Variants in PLS3 observed in about 807,000 individuals in gnomAD.
The protein encoded by PLS3 is plastin-3.
In PLS3, 11 loss-of-function variants were observed where a neutral mutation model predicts 46.5. The observed-to-expected ratio is 0.24, with a 90% CI of 0.15 to 0.39. PLS3 has a LOEUF of 0.39. Ranked by LOEUF, PLS3 falls within the 10% of genes least tolerant of loss-of-function variation. The pLI, the probability that PLS3 is intolerant of heterozygous loss-of-function variation, is 1.00. For synonymous variants in PLS3, 167 were observed against 162.2 expected (o/e 1.03, Z -0.22); for missense variants, 308 against 461.8 (o/e 0.67, Z 3.05).
In PLS3 at chrX:115,643,982, T is replaced by TA. The variant is rs782742103; in HGVS notation, c.1183+482dup. 4.4e-4 allele frequency among the ~76,000 whole-genome samples: 48 copies of TA among 110,234 alleles called. 2 individuals carry two copies. The highest frequency in any genetic ancestry group is 3.8e-3 in the Admixed American group (39 of 10,298). ...GTAAGACTCCATCTCAAAAAATAAA[T>TA]AAAAAAAATAAAAAGTAGTCGAGTC... On this transcript the variant is annotated intron_variant, in intron 10 of 15. Coordinates refer to ENST00000355899, the MANE Select transcript of PLS3 (RefSeq NM_005032.7).
At chrX:115,592,237 G>A (rs1556633226) in intron 1 of PLS3, among the ~76,000 whole-genome samples, 1 of 111,761 alleles carries the variant, frequency 8.9e-6, no homozygotes, top group South Asian at 3.8e-4. Context: ...GCAGCAGATG[G>A]CATTATGCAT....
chrX:115,649,790 CT>C lies in PLS3; in HGVS notation c.*230del, dbSNP rs2074986095. 3.5e-6 allele frequency: 1 copy of C among 282,971 alleles called. No homozygotes were observed. Among genetic ancestry groups the C allele is most frequent in the Non-Finnish European group, 6.3e-6 (1 of 158,238 alleles). 23.3% of individuals were successfully genotyped at this position (282,971 alleles called of 1,213,427 possible). A position where few individuals can be genotyped will look rare whatever the true frequency, so the allele number is the denominator to read the frequency against. ...ATTTGTCAGGCACGCCTGAAATGTGCTCATAGCCAAAACATTTTACTCTCTC... is the reference window on the plus strand; with the variant it reads ...ATTTGTCAGGCACGCCTGAAATGTGCCATAGCCAAAACATTTTACTCTCTC... On this transcript the variant is annotated 3_prime_UTR_variant, in exon 16 of 16. Transcript: ENST00000355899.
At chrX:115,639,550 G>A (rs2074873529) in intron 8 of PLS3, among the ~76,000 whole-genome samples, 2 of 112,018 alleles carry the variant, frequency 1.8e-5, no homozygotes, top group Non-Finnish European at 3.8e-5. Context: ...GACCTTCAAA[G>A]CCCAGTAACA....
intron 1 of PLS3, among the ~76,000 whole-genome samples, chrX:115,573,932 G>A (rs1441113104): frequency 9.0e-6 from 1 of 111,067 alleles, no homozygotes; most frequent in African/African-American, 3.3e-5. Flanking sequence ...TCGAACTCCT[G>A]GCCTCAAGCG....
intron 9 of PLS3, among the ~76,000 whole-genome samples, chrX:115,642,315 C>G (rs1299123071): frequency 4.5e-5 from 5 of 111,255 alleles, no homozygotes; most frequent in African/African-American, 1.6e-4. Flanking sequence ...GAGATTAATC[C>G]TTGGTCTTGC....
chrX:115,598,251 A>G (rs1304675816), intron 1 of PLS3, among the ~76,000 whole-genome samples: 1 of 107,319 alleles, frequency 9.3e-6, no homozygotes, highest in Non-Finnish European at 1.9e-5. Context: ...AGTTACCATG[A>G]CACTGCACTC....
intron 3 of PLS3, among the ~76,000 whole-genome samples, chrX:115,622,665 C>A (rs1343001340): frequency 2.7e-5 from 3 of 111,037 alleles, no homozygotes; most frequent in Non-Finnish European, 5.7e-5. Flanking sequence ...TTATATAAGG[C>A]GAACAGTCTC....
At chrX:115,603,197 A>G (rs2074461096) in intron 1 of PLS3, among the ~76,000 whole-genome samples, 1 of 111,865 alleles carries the variant, frequency 8.9e-6, no homozygotes, top group Non-Finnish European at 1.9e-5. Flanking sequence ...AAACTCTGTA[A>G]TTAGAGATGA....
intron 1 of PLS3, among the ~76,000 whole-genome samples, chrX:115,572,499 T>C (rs2074222334): frequency 9.0e-6 from 1 of 111,497 alleles, no homozygotes; most frequent in Non-Finnish European, 1.9e-5. Context: ...TTATAGACCA[T>C]TGGTAAATAG....
chrX:115,620,747 C>G (rs1215807522), intron 2 of PLS3, among the ~76,000 whole-genome samples: 3 of 70,130 alleles, frequency 4.3e-5, no homozygotes, highest in African/African-American at 6.0e-5. Flanking sequence ...GAGTCTTGCT[C>G]TGTCACCCAG....
intron 11 of PLS3, among the ~76,000 whole-genome samples, chrX:115,645,740 A>G (rs1387063667): frequency 9.0e-6 from 1 of 110,913 alleles, no homozygotes; most frequent in African/African-American, 3.3e-5. Context: ...TTGTTTGTTT[A>G]TTGTCAACAA....
chrX:115,563,313 CAG>C (rs1273515310), intron 1 of PLS3, among the ~76,000 whole-genome samples: 1 of 111,727 alleles, frequency 9.0e-6, no homozygotes, highest in African/African-American at 3.2e-5. Flanking sequence ...TGCACAAAAA[CAG>C]TGGATAGTAA....
At chrX:115,607,114 A>T (rs1603231803) in intron 1 of PLS3, among the ~76,000 whole-genome samples, 1 of 110,557 alleles carries the variant, frequency 9.0e-6, no homozygotes, top group African/African-American at 3.3e-5. Flanking sequence ...TTAGCCAGGC[A>T]TGGTGTCCCA....
intron 1 of PLS3, among the ~76,000 whole-genome samples, chrX:115,587,471 C>T (rs1290413375): frequency 8.9e-6 from 1 of 112,080 alleles, no homozygotes; most frequent in Non-Finnish European, 1.9e-5. Context: ...CGCGGTGGCT[C>T]ACGCCTGTAA....
At chrX:115,610,773 A>C (rs2074540893) in intron 2 of PLS3, 2 of 644,976 alleles carry the variant, frequency 3.1e-6, no homozygotes, top group Middle Eastern at 3.5e-4. Flanking sequence ...TGACTTTTTT[A>C]TGGGTTTTCT....
intron 8 of PLS3, among the ~76,000 whole-genome samples, chrX:115,638,411 A>AT (rs1350559548): frequency 1.2e-4 from 13 of 109,294 alleles, no homozygotes; most frequent in Non-Finnish European, 1.9e-4. Context: ...GCCCGGCCTG[A>AT]TTTTTTTATT....
intron 1 of PLS3, among the ~76,000 whole-genome samples, chrX:115,574,245 C>T (rs917295573): frequency 2.7e-5 from 3 of 111,687 alleles, no homozygotes; most frequent in African/African-American, 6.5e-5. Context: ...TGGCACACAA[C>T]GGGTCTTGAT....
chrX:115,607,629 A>C (rs1281365960), intron 1 of PLS3, among the ~76,000 whole-genome samples: 3 of 109,533 alleles, frequency 2.7e-5, no homozygotes, highest in Non-Finnish European at 5.7e-5. Flanking sequence ...CAACCTCCCG[A>C]GTAGCCGGGA....
intron 1 of PLS3, among the ~76,000 whole-genome samples, chrX:115,568,769 C>T (rs2074193517): frequency 8.9e-6 from 1 of 112,391 alleles, no homozygotes; most frequent in East Asian, 2.8e-4. Context: ...CATGGTGGCT[C>T]AGGCCTGTAA....
Sources: allele counts gnomAD v4.1 joint callset (sites outside exome capture counted in the v4.1 genomes callset), GRCh38; gene constraint gnomAD v4.1.1; transcripts MANE v1.5; gene names NCBI Gene and HGNC (gene_info 2026-07-23, HGNC 2026-07-21).